INPP5D: variants seen among roughly 807,000 people sequenced by gnomAD.
The protein encoded by INPP5D is phosphatidylinositol 3,4,5-trisphosphate 5-phosphatase 1.
In INPP5D, 33 loss-of-function variants were observed where a neutral mutation model predicts 122.9. That is an observed-to-expected ratio of 0.27 (90% CI 0.20 to 0.36). INPP5D has a LOEUF of 0.36. Ranked by LOEUF, INPP5D falls within the 10% of genes least tolerant of loss-of-function variation. The probability of loss-of-function intolerance (pLI) is 1.00; values close to 1 mark genes in which losing one functional copy is unlikely to be tolerated. For missense variants in INPP5D, 1,053 were observed against 1,412.7 expected, an observed-to-expected ratio of 0.75 and a Z score of 4.08; for synonymous variants, 584 against 576.2, an observed-to-expected ratio of 1.01 and a Z score of -0.19.
rs1212024419 is a variant in INPP5D, at chr2:233,122,143, C to A, written c.235C>A (p.Leu79Met). The A allele has an allele frequency of 6.2e-7, 1 of 1,614,000 alleles. No individual in the cohort carries two copies. The highest frequency in any genetic ancestry group is 8.5e-7 in the Non-Finnish European group (1 of 1,179,888). ...EGVSMRFFTK[L>M]DQLIEFYKKE... ...CGTCTCCATGAGGTTCTTCACCAAG[C>A]TGGACCAGCTCATCGAGTTTTACAA... is the stretch of plus-strand genomic sequence containing the variant. Residue 79 changes from leucine to methionine, a missense_variant, in exon 3 of 27, where the codon CTG becomes ATG. By Grantham distance (15) the Leu-to-Met change is conservative (BLOSUM62 2). This residue lies in a region of INPP5D where 74 missense variants were observed against 146.6 expected (regional missense o/e 0.50). Transcript: ENST00000445964.
chr2:233,154,086 A>G (rs1693988100), intron 9 of INPP5D, among the ~76,000 whole-genome samples: 1 of 152,220 alleles, frequency 6.6e-6, no homozygotes, highest in Non-Finnish European at 1.5e-5. Flanking sequence ...ATCACCAGAC[A>G]CTGGAGGGAA....
chr2:233,135,782 T>G (rs1693452380), intron 5 of INPP5D, among the ~76,000 whole-genome samples: 1 of 152,036 alleles, frequency 6.6e-6, no homozygotes. Flanking sequence ...TTCCTAAAAA[T>G]GTACCAATCA....
At chr2:233,148,749 A>G (rs939600468) in intron 9 of INPP5D, among the ~76,000 whole-genome samples, 1 of 152,036 alleles carries the variant, frequency 6.6e-6, no homozygotes, top group Non-Finnish European at 1.5e-5. Flanking sequence ...ATCAATGCGT[A>G]GACCCTTGCC....
chr2:233,147,603 C>A lies in INPP5D; in HGVS notation c.1030+9C>A. 1 of 703,688 alleles carries A rather than the reference C, an allele frequency of 1.4e-6. No homozygotes were observed. Among genetic ancestry groups the A allele is most frequent in the Non-Finnish European group, 2.6e-6 (1 of 384,512 alleles). The allele number at this position is 703,688 out of a possible 1,614,324, so 43.6% of individuals were successfully genotyped here. ...CTACAGCCACAAGAAAAGTAAGACC[C>A]CTCGTGCCTATCAACCACTGCCCCT... On this transcript the variant is annotated intron_variant, in intron 9 of 26. Coordinates refer to ENST00000445964, the MANE Select transcript of INPP5D (RefSeq NM_001017915.3).
chr2:233,190,486 A>AC (rs1695025904), intron 22 of INPP5D, among the ~76,000 whole-genome samples: 4 of 151,744 alleles, frequency 2.6e-5, no homozygotes, highest in Admixed American at 2.6e-4. Flanking sequence ...CTGCCCGAAG[A>AC]CCCCCTCTCC....
intron 9 of INPP5D, among the ~76,000 whole-genome samples, chr2:233,156,616 C>T (rs1012477257): frequency 6.6e-5 from 10 of 152,062 alleles, no homozygotes; most frequent in Admixed American, 5.2e-4. Flanking sequence ...CTAAGTACAG[C>T]GAGCCACCAT....
chr2:233,156,695 C>A (rs1015303671), intron 9 of INPP5D, among the ~76,000 whole-genome samples: 6 of 152,212 alleles, frequency 3.9e-5, no homozygotes, highest in African/African-American at 1.4e-4. Flanking sequence ...TGAGGTGTGA[C>A]AACATGTGTG....
chr2:233,092,834 A>G (rs776413357), intron 2 of INPP5D, among the ~76,000 whole-genome samples: 11 of 152,180 alleles, frequency 7.2e-5, no homozygotes, highest in Non-Finnish European at 1.2e-4. Context: ...CATCACTGTC[A>G]GTGGCTCCCA....
rs112333801 is a variant in INPP5D at position 233,126,645 on chromosome 2, C to T, written c.524+726C>T. Among the ~76,000 whole-genome samples the T allele has an allele frequency of 6.6e-5, 10 of 152,246 alleles. No homozygotes were observed. The East Asian group carries it at 1.4e-3, about 21-fold the overall frequency. On this transcript the variant is annotated intron_variant, in intron 4 of 26. Coordinates refer to ENST00000445964, the MANE Select transcript of INPP5D (RefSeq NM_001017915.3). The stretch of plus-strand genomic sequence containing the variant: ...TTGAAAGTATTCCACATAGGCCAGA[C>T]GCGGTGGCTCATTCCTGTAATCTCA...
At chr2:233,155,623 A>AAAATAAAT (rs1189446853) in intron 9 of INPP5D, among the ~76,000 whole-genome samples, 49 of 101,636 alleles carry the variant, frequency 4.8e-4, no homozygotes, top group African/African-American at 1.6e-3. Context: ...TCCATCTCAA[A>AAAATAAAT]AAATAAATAA....
Position 233,100,310 on chromosome 2 carries a change from G to A in INPP5D, c.198+20912G>A, listed in dbSNP as rs1692274489. ...CGCAACTAATTACCCAACTTGTGAG[G>A]CCAGCAACCACACACTGGTAAACAG... On this transcript the variant is annotated intron_variant, in intron 2 of 26. Coordinates refer to ENST00000445964, the MANE Select transcript of INPP5D (RefSeq NM_001017915.3). This position sits in a 1 kb window ranked among gnomAD's most constrained non-coding sequence, Gnocchi z 5.3. Among the ~76,000 whole-genome samples the A allele has an allele frequency of 2.0e-5, 3 of 152,130 alleles. No individual in the cohort carries two copies. The South Asian group carries it at 6.2e-4, about 31-fold the overall frequency.
At chr2:233,092,988 A>G (rs775738505) in intron 2 of INPP5D, among the ~76,000 whole-genome samples, 3 of 152,156 alleles carry the variant, frequency 2.0e-5, no homozygotes, top group Non-Finnish European at 4.4e-5. Context: ...TCTTGACTCT[A>G]AGATAAAAAT....
intron 1 of INPP5D, among the ~76,000 whole-genome samples, chr2:233,071,675 C>A (rs931147824): frequency 2.6e-5 from 4 of 151,990 alleles, no homozygotes; most frequent in African/African-American, 9.7e-5. Flanking sequence ...ATATGGTTGT[C>A]CCTGTTATTT....
intron 8 of INPP5D, among the ~76,000 whole-genome samples, chr2:233,146,942 C>A (rs530851917): frequency 6.6e-6 from 1 of 152,276 alleles, no homozygotes; most frequent in Middle Eastern, 3.4e-3. Flanking sequence ...ACCCGCACCC[C>A]CTCCGCCACA....
chr2:233,150,718 G>A (rs1156543688), intron 9 of INPP5D, among the ~76,000 whole-genome samples: 2 of 152,172 alleles, frequency 1.3e-5, no homozygotes. Flanking sequence ...CTTCCTCTAA[G>A]GATTTGCTGT....
chr2:233,130,988 C>A, intron 5 of INPP5D: 1 of 463,194 alleles, frequency 2.2e-6, no homozygotes, highest in South Asian at 1.8e-5. Flanking sequence ...TTGCTGTTTG[C>A]TGCAGCCATT....
intron 22 of INPP5D, among the ~76,000 whole-genome samples, chr2:233,190,298 G>A (rs1695019572): frequency 6.6e-6 from 1 of 152,224 alleles, no homozygotes; most frequent in African/African-American, 2.4e-5. Flanking sequence ...ATAGGTAGTG[G>A]TGGCTGGGCC....
At chr2:233,148,820 A>G (rs1336428006) in intron 9 of INPP5D, among the ~76,000 whole-genome samples, 2 of 152,042 alleles carry the variant, frequency 1.3e-5, no homozygotes, top group Admixed American at 6.5e-5. Context: ...TAAGACCACT[A>G]TGAAGCCCCC....
At chr2:233,101,766 A>C (rs1692321872) in intron 2 of INPP5D, among the ~76,000 whole-genome samples, 1 of 146,466 alleles carries the variant, frequency 6.8e-6, no homozygotes, top group African/African-American at 2.5e-5. Flanking sequence ...ATATTTATTT[A>C]TATTATATTT....
Sources: allele counts gnomAD v4.1 joint callset (sites outside exome capture counted in the v4.1 genomes callset), GRCh38; gene constraint gnomAD v4.1.1; regional missense constraint gnomAD v4.1.1; non-coding constraint Gnocchi (gnomAD v3.1); transcripts MANE v1.5; gene names NCBI Gene and HGNC (gene_info 2026-07-23, HGNC 2026-07-21).